Variants in ARB2A observed in about 807,000 individuals in gnomAD.
The protein encoded by ARB2A is cotranscriptional regulator ARB2A.
chr5:93,885,656 GGTAAAA>G, the ARB2A span, among the ~76,000 whole-genome samples: 1 of 151,634 alleles, frequency 6.6e-6, no homozygotes, highest in East Asian at 1.9e-4. Flanking sequence ...GATATATATT[GGTAAAA>G]GTAAGCTTTA....
chr5:93,704,868 T>G, the ARB2A span, among the ~76,000 whole-genome samples: 2 of 152,226 alleles, frequency 1.3e-5, no homozygotes, highest in Admixed American at 6.5e-5. Flanking sequence ...ATACTAATTG[T>G]ATCTAATCTA....
chr5:93,795,981 TA>T, the ARB2A span, among the ~76,000 whole-genome samples: 88 of 152,310 alleles, frequency 5.8e-4, 1 homozygote, highest in African/African-American at 2.0e-3. Context: ...ATTTCAAAAC[TA>T]AATGCATCTA....
the ARB2A span, among the ~76,000 whole-genome samples, chr5:94,102,780 C>T: frequency 6.6e-6 from 1 of 151,888 alleles, no homozygotes; most frequent in East Asian, 1.9e-4. Context: ...AGGGAGAGGT[C>T]ACCTACAAAG....
the ARB2A span, among the ~76,000 whole-genome samples, chr5:93,996,263 G>A: frequency 5.5e-4 from 84 of 151,812 alleles, no homozygotes; most frequent in African/African-American, 1.9e-3. Flanking sequence ...ATACACTAAG[G>A]CATTAAACAG....
the ARB2A span, among the ~76,000 whole-genome samples, chr5:93,818,004 T>C: frequency 1.3e-5 from 2 of 151,168 alleles, no homozygotes; most frequent in South Asian, 2.1e-4. Context: ...ATAAAAATGA[T>C]AACCCAATTA....
At chr5:94,102,447 G>A in the ARB2A span, among the ~76,000 whole-genome samples, 12 of 152,082 alleles carry the variant, frequency 7.9e-5, no homozygotes, top group East Asian at 1.9e-4. Context: ...CCAATTCTTC[G>A]AATGAACTCA....
the ARB2A span, among the ~76,000 whole-genome samples, chr5:94,008,442 T>C: frequency 6.6e-6 from 1 of 152,154 alleles, no homozygotes; most frequent in South Asian, 2.1e-4. Flanking sequence ...AGAGTGAACA[T>C]TTCTAATAAG....
chr5:93,618,450 A>G, the ARB2A span: 1 of 152,272 alleles, frequency 6.6e-6, no homozygotes, highest in East Asian at 1.9e-4. Context: ...ACTCTCCTAA[A>G]AACCTGTTTG....
chr5:93,713,898 C>T, the ARB2A span, among the ~76,000 whole-genome samples: 1 of 152,148 alleles, frequency 6.6e-6, no homozygotes, highest in Non-Finnish European at 1.5e-5. Flanking sequence ...TTTAAAATAG[C>T]AGCCCTCTCC....
the ARB2A span, among the ~76,000 whole-genome samples, chr5:93,839,560 C>T: frequency 6.6e-6 from 1 of 151,994 alleles, no homozygotes; most frequent in African/African-American, 2.4e-5. Flanking sequence ...TAAAGTCCTT[C>T]CTCATCAATT....
chr5:94,068,010 T>C, the ARB2A span, among the ~76,000 whole-genome samples: 123 of 152,330 alleles, frequency 8.1e-4, 1 homozygote, highest in Non-Finnish European at 1.5e-3. Context: ...CTCATGCCTG[T>C]AATCCCAGCA....
chr5:93,881,754 T>G, the ARB2A span: 1 of 1,171,466 alleles, frequency 8.5e-7, no homozygotes, highest in Non-Finnish European at 1.1e-6. Context: ...TTCAAAAAAG[T>G]TCTTAAAATT....
the ARB2A span, among the ~76,000 whole-genome samples, chr5:94,065,872 T>C: frequency 1.3e-5 from 2 of 152,138 alleles, no homozygotes; most frequent in Non-Finnish European, 2.9e-5. Flanking sequence ...TTAGATCAAA[T>C]GGACCAAACA....
the ARB2A span, among the ~76,000 whole-genome samples, chr5:94,021,558 C>G: frequency 6.6e-6 from 1 of 152,160 alleles, no homozygotes; most frequent in Admixed American, 6.5e-5. Flanking sequence ...TAGACAACAG[C>G]AAGAGCTCTG....
At chr5:93,998,606 T>C in the ARB2A span, among the ~76,000 whole-genome samples, 1 of 151,960 alleles carries the variant, frequency 6.6e-6, no homozygotes, top group Non-Finnish European at 1.5e-5. Flanking sequence ...CAGAGCAACA[T>C]ACCAGATGAA....
the ARB2A span, among the ~76,000 whole-genome samples, chr5:94,103,614 C>T: frequency 6.6e-6 from 1 of 151,958 alleles, no homozygotes; most frequent in Non-Finnish European, 1.5e-5. Context: ...GACAGACCAT[C>T]AAGGCACAAA....
At chr5:93,860,043 C>T in the ARB2A span, among the ~76,000 whole-genome samples, 1 of 152,112 alleles carries the variant, frequency 6.6e-6, no homozygotes, top group Non-Finnish European at 1.5e-5. Context: ...ACCTATAATC[C>T]CAGCACTTGG....
chr5:94,109,884 T>A, the ARB2A span, among the ~76,000 whole-genome samples: 2 of 148,798 alleles, frequency 1.3e-5, no homozygotes, highest in African/African-American at 5.0e-5. Context: ...ACCTCTTTTT[T>A]TTTTTTTTTT....
At chr5:94,063,142 T>A in the ARB2A span, among the ~76,000 whole-genome samples, 1 of 147,430 alleles carries the variant, frequency 6.8e-6, no homozygotes, top group African/African-American at 2.5e-5. Context: ...AGAGCCAAGG[T>A]CTACATGTAC....
Sources: allele counts gnomAD v4.1 joint callset (sites outside exome capture counted in the v4.1 genomes callset), GRCh38; gene constraint gnomAD v4.1.1; transcripts MANE v1.5; gene names NCBI Gene and HGNC (gene_info 2026-07-23, HGNC 2026-07-21).